The following DAB2 variants were observed in gnomAD, a reference collection of about 807,000 sequenced individuals.
The protein encoded by DAB2 is disabled homolog 2.
Under a neutral mutation model 71.6 loss-of-function variants are expected in DAB2, and 28 were observed. The ratio of observed to expected loss-of-function variants is 0.39; its 90% CI spans 0.29 to 0.54. DAB2 has a LOEUF of 0.54. DAB2 is among the 20% of genes least tolerant of loss of function. The pLI is 0.68. For synonymous variants in DAB2, 345 were observed against 339.7 expected, an observed-to-expected ratio of 1.02 and a Z score of -0.17; for missense variants, 867 against 928.8, an observed-to-expected ratio of 0.93 and a Z score of 0.86.
In DAB2 at chr5:39,402,360, G is replaced by A. The variant is rs112851652; in HGVS notation, c.-101-7939C>T. On this transcript the variant is annotated intron_variant, in intron 1 of 14. Transcript: ENST00000320816. ...TAAGTGTTTAAACACTTTTAGAACA[G>A]TAAGAACCTATGCTCAAATGACTAA... Among the ~76,000 whole-genome samples, 126 of 152,284 alleles carry A rather than the reference G, an allele frequency of 8.3e-4. 1 individual carries two copies. The highest frequency in any genetic ancestry group is 1.6e-3 in the Non-Finnish European group (106 of 68,032).
At chr5:39,408,385 A>G (rs1755651001) in intron 1 of DAB2, 1 of 152,182 alleles carries the variant, frequency 6.6e-6, no homozygotes, top group African/African-American at 2.4e-5. Context: ...ACCTACCCAT[A>G]GAGTTGGCAT....
At chr5:39,402,366 ACCTATG>A (rs1363759425) in intron 1 of DAB2, among the ~76,000 whole-genome samples, 7 of 152,208 alleles carry the variant, frequency 4.6e-5, no homozygotes, top group African/African-American at 1.7e-4. Flanking sequence ...AACAGTAAGA[ACCTATG>A]CTCAAATGAC....
chr5:39,390,018 G>T (rs1369440159), intron 5 of DAB2, 86 bp from the exon 6 acceptor site: 5 of 1,035,254 alleles, frequency 4.8e-6, no homozygotes, highest in Non-Finnish European at 6.8e-6. Flanking sequence ...TTCATACTGG[G>T]ATTTTTTTTT....
At position 39,376,917 on chromosome 5, in the gene DAB2, G is replaced by T. The variant is rs762494122; in HGVS notation, c.1870C>A (p.Pro624Thr). 1 of 1,614,154 alleles carries T rather than the reference G, an allele frequency of 6.2e-7. No homozygotes were observed. The highest frequency in any genetic ancestry group is 8.5e-7 in the Non-Finnish European group (1 of 1,180,008). ...SLLVTPPQPP[P>T]RAGPPKDISS... ...ATGTCCTTGGGAGGGCCAGCTCTGGGAGGTGGCTGAGGAGGAGTGACCAGG... is the reference window on the plus strand; with the variant it reads ...ATGTCCTTGGGAGGGCCAGCTCTGGTAGGTGGCTGAGGAGGAGTGACCAGG... Residue 624 changes from proline to threonine, a missense_variant, in exon 12 of 15, where the codon CCC (proline) becomes ACC (threonine). Coordinates refer to ENST00000320816, the MANE Select transcript of DAB2 (RefSeq NM_001343.4).
intron 4 of DAB2, 43 bp downstream of exon 4, chr5:39,392,322 G>T: frequency 6.8e-7 from 1 of 1,466,258 alleles, no homozygotes; most frequent in South Asian, 1.1e-5. Flanking sequence ...TTGTTGGTCA[G>T]ACTCAGGTGG....
chr5:39,389,080 T>A lies in DAB2; in HGVS notation c.570+17A>T. 1 of 1,612,024 alleles carries A rather than the reference T, an allele frequency of 6.2e-7. No homozygotes were observed. Among genetic ancestry groups the A allele is most frequent in the East Asian group, 2.2e-5 (1 of 44,848 alleles). The stretch of plus-strand genomic sequence containing the variant: ...TGTCACACACATGATTAACAAGAAG[T>A]AAAGATGCAATTTTACCTCAACTGC... On this transcript the variant is annotated intron_variant, in intron 7 of 14. Coordinates refer to ENST00000320816, the MANE Select transcript of DAB2 (RefSeq NM_001343.4).
At chr5:39,390,870 A>G (rs16868772) in intron 4 of DAB2, among the ~76,000 whole-genome samples, 4,216 of 152,292 alleles carry the variant, frequency 0.028, 109 homozygotes, top group African/African-American at 0.066. Flanking sequence ...GAGGATTAGA[A>G]GACCAAGTGA....
chr5:39,405,189 G>C (rs1310299145), intron 1 of DAB2, among the ~76,000 whole-genome samples: 2 of 152,220 alleles, frequency 1.3e-5, no homozygotes, highest in African/African-American at 2.4e-5. Flanking sequence ...CTAAGAAAGA[G>C]AGCAGTGTCA....
intron 12 of DAB2, among the ~76,000 whole-genome samples, chr5:39,376,344 A>T (rs940466396): frequency 9.9e-5 from 15 of 152,232 alleles, no homozygotes; most frequent in African/African-American, 3.4e-4. Flanking sequence ...AGCTGATGGG[A>T]CATGGATGAC....
intron 14 of DAB2, chr5:39,374,702 T>C (rs1754779164): frequency 3.7e-6 from 1 of 268,008 alleles, no homozygotes; most frequent in Non-Finnish European, 6.9e-6. Context: ...AGTAAAAAGG[T>C]TAGAAACCTG....
intron 8 of DAB2, 37 bp from the exon 9 acceptor site, chr5:39,388,404 A>G: frequency 7.2e-7 from 1 of 1,384,142 alleles, no homozygotes; most frequent in Non-Finnish European, 1.0e-6. Context: ...AGATGTGTCT[A>G]CTAAAAAAGA....
chr5:39,411,430 T>A (rs1187496813), intron 1 of DAB2, among the ~76,000 whole-genome samples: 4 of 152,110 alleles, frequency 2.6e-5, no homozygotes, highest in African/African-American at 9.7e-5. Context: ...TTTCAATACT[T>A]AAGGGAAATG....
At chr5:39,379,646 T>A (rs1754912963) in intron 11 of DAB2, among the ~76,000 whole-genome samples, 1 of 152,016 alleles carries the variant, frequency 6.6e-6, no homozygotes, top group Non-Finnish European at 1.5e-5. Flanking sequence ...AACATTAATT[T>A]TATTACCTTC....
At chr5:39,393,734 T>A (rs1253612990) in intron 2 of DAB2, among the ~76,000 whole-genome samples, 1 of 152,198 alleles carries the variant, frequency 6.6e-6, no homozygotes, top group Non-Finnish European at 1.5e-5. Flanking sequence ...AATATATGTA[T>A]TTTTAATGTA....
rs1226516145 is a variant in DAB2 at position 39,394,289 on chromosome 5, T to C, written c.32A>G (p.Asn11Ser). Reference protein sequence around the residue: MSNEVETSATNGQPDQQAAPK... With the variant: MSNEVETSATSGQPDQQAAPK... ...TGCGGCCTGTTGGTCGGGCTGACCA[T>C]TGGTTGCACTTGTTTCTACTTCGTT... The change falls in exon 2 of 15, where the codon AAT (asparagine) becomes AGT (serine). Residue 11 changes from asparagine (N) to serine (S), a missense_variant. Asn to Ser is a conservative substitution (Grantham distance 46). Coordinates refer to ENST00000320816, the MANE Select transcript of DAB2 (RefSeq NM_001343.4). 19 of 1,614,176 alleles carry C rather than the reference T, an allele frequency of 1.2e-5. No homozygotes were observed. Among genetic ancestry groups the C allele is most frequent in the Non-Finnish European group, 1.6e-5 (19 of 1,180,020 alleles).
chr5:39,376,590 A>T, intron 12 of DAB2, 60 bp downstream of exon 12: 2 of 1,573,222 alleles, frequency 1.3e-6, no homozygotes, highest in South Asian at 1.2e-5. Flanking sequence ...GAACTCATTT[A>T]GGTCCATGTG....
intron 1 of DAB2, among the ~76,000 whole-genome samples, chr5:39,395,740 C>T (rs747730512): frequency 3.3e-5 from 5 of 152,028 alleles, no homozygotes; most frequent in Non-Finnish European, 7.4e-5. Context: ...GGCTGGTTGG[C>T]AACCAGGGAG....
chr5:39,373,431 G>A lies in DAB2; in HGVS notation c.*6-6C>T, dbSNP rs559813729. Reference sequence around the variant, plus strand: ...ATGGTCTGCAGACCAAGTTCCTAGAGAGGTATGGAGAAGAAAGAAACTTGT... The same window carrying A: ...ATGGTCTGCAGACCAAGTTCCTAGAAAGGTATGGAGAAGAAAGAAACTTGT... On this transcript the variant is annotated splice_region_variant and splice_polypyrimidine_tract_variant and intron_variant, in intron 14 of 14. Transcript: ENST00000320816. 6.5e-6 allele frequency: 1 copy of A among 152,686 alleles called. No individual in the cohort carries two copies. The highest frequency in any genetic ancestry group is 1.5e-5 in the Non-Finnish European group (1 of 68,030). The allele number at this position is 152,686 out of a possible 1,614,324, so 9.5% of individuals were successfully genotyped here. A position where few individuals can be genotyped will look rare whatever the true frequency, so the allele number is the denominator to read the frequency against.
rs2112023487 is a variant in DAB2 at position 39,377,142 on chromosome 5, T to C, written c.1645A>G (p.Ser549Gly). 1 of 1,614,134 alleles carries C rather than the reference T, an allele frequency of 6.2e-7. No individual in the cohort carries two copies. Among genetic ancestry groups the C allele is most frequent in the South Asian group, 1.1e-5 (1 of 91,086 alleles). ...TGGTTCCAACCTGAAACAGCTGGAC[T>C]TGTACCAAAAATGACGGGCTGACTA... ...GFSQPVIFGT[S>G]PAVSGWNQPS... The change falls in exon 12 of 15, where the codon AGT becomes GGT. Residue 549 changes from serine to glycine, a missense_variant. Ser to Gly is a moderately conservative substitution (Grantham distance 56, BLOSUM62 0). Transcript: ENST00000320816.
Sources: allele counts gnomAD v4.1 joint callset (sites outside exome capture counted in the v4.1 genomes callset), GRCh38; gene constraint gnomAD v4.1.1; transcripts MANE v1.5; gene names NCBI Gene and HGNC (gene_info 2026-07-23, HGNC 2026-07-21).